The following DLGAP1 variants were observed in gnomAD, a reference collection of about 807,000 sequenced individuals.
DLGAP1 encodes DLG associated protein 1, also known as disks large-associated protein 1.
In DLGAP1, 11 loss-of-function variants were observed where a neutral mutation model predicts 90.8. The observed-to-expected ratio is 0.12, with a 90% CI of 0.08 to 0.20. The LOEUF (loss-of-function observed/expected upper bound fraction) is 0.20. Among genes scored for constraint, DLGAP1 ranks in the 10% least tolerant of loss-of-function variants. The pLI is 1.00. For missense variants in DLGAP1, 1,050 were observed against 1,333.8 expected (o/e 0.79, Z 3.31); for synonymous variants, 558 against 540.7 (o/e 1.03, Z -0.44).
chr18:3,874,856 G>T, intron 4 of DLGAP1: 1 of 1,078,172 alleles, frequency 9.3e-7, no homozygotes, highest in Non-Finnish European at 1.2e-6. Flanking sequence ...TTGTGAGTGA[G>T]CACTTATCAC....
intron 10 of DLGAP1, among the ~76,000 whole-genome samples, chr18:3,528,057 C>A (rs1289725466): frequency 1.3e-5 from 2 of 152,026 alleles, no homozygotes; most frequent in East Asian, 1.9e-4. Flanking sequence ...TTAGAATCTT[C>A]CGTTTTTTCC....
At chr18:3,741,082 T>C (rs1264656199) in intron 6 of DLGAP1, among the ~76,000 whole-genome samples, 842 of 41,428 alleles carry the variant, frequency 0.02, 19 homozygotes, top group Admixed American at 0.13. Context: ...ACCACCACCA[T>C]CACCATCACC....
rs143296313 is a variant in DLGAP1, at chr18:4,141,897, A to T, written c.-159+9283T>A. Among the ~76,000 whole-genome samples the T allele has an allele frequency of 3.4e-4, 51 of 152,038 alleles. 1 individual carries two copies. In the East Asian group the frequency reaches 9.1e-3, roughly 27 times the overall value. On this transcript the variant is annotated intron_variant, in intron 2 of 12. Transcript: ENST00000315677. Reference sequence around the variant, plus strand: ...CTCTGTTTTATCTTGAAATTTGTTGAGTTTCCTCAAAACAGCTATTTTGAA... The same window carrying T: ...CTCTGTTTTATCTTGAAATTTGTTGTGTTTCCTCAAAACAGCTATTTTGAA...
At chr18:3,639,192 C>T (rs34995851) in intron 7 of DLGAP1, among the ~76,000 whole-genome samples, 9,636 of 151,988 alleles carry the variant, frequency 0.063, 516 homozygotes, top group East Asian at 0.27. Context: ...CCCGTCTGTA[C>T]TAAAAATACA....
chr18:3,830,420 C>G (rs1330747045), intron 4 of DLGAP1, among the ~76,000 whole-genome samples: 2 of 152,136 alleles, frequency 1.3e-5, no homozygotes, highest in Middle Eastern at 3.2e-3. Context: ...AAAAAATTAG[C>G]CGGGTGTGGT....
At chr18:3,793,324 C>A (rs2065832836) in intron 5 of DLGAP1, among the ~76,000 whole-genome samples, 1 of 152,190 alleles carries the variant, frequency 6.6e-6, no homozygotes, top group African/African-American at 2.4e-5. Flanking sequence ...TTCTCACTCT[C>A]ACTGTCCCGG....
In DLGAP1 at chr18:3,499,104, AG is replaced by A. The variant is rs1488057049; in HGVS notation, c.*80del. 38 of 1,237,668 alleles carry A rather than the reference AG, an allele frequency of 3.1e-5. No individual in the cohort carries two copies. Among genetic ancestry groups the A allele is most frequent in the Admixed American group, 1.7e-4 (5 of 30,028 alleles). 76.7% of individuals were successfully genotyped at this position (1,237,668 alleles called of 1,614,324 possible). A position where few individuals can be genotyped will look rare whatever the true frequency, so the allele number is the denominator to read the frequency against. ...CGAGCTCGGGAGCGGACGGGCTCGG[AG>A]GGGGAGAGGCAGCCGGCAGAGGAGC... On this transcript the variant is annotated 3_prime_UTR_variant, in exon 13 of 13. Transcript: ENST00000315677. The surrounding 1 kb of genome is among the most constrained non-coding windows in gnomAD (Gnocchi z 6.4).
intron 5 of DLGAP1, among the ~76,000 whole-genome samples, chr18:3,789,948 T>C (rs1403458073): frequency 6.6e-6 from 1 of 152,234 alleles, no homozygotes; most frequent in Non-Finnish European, 1.5e-5. Flanking sequence ...GTAGCTCTGA[T>C]ACATAGATTA....
intron 3 of DLGAP1, among the ~76,000 whole-genome samples, chr18:3,988,565 G>A (rs1299044733): frequency 2.6e-5 from 4 of 152,090 alleles, no homozygotes; most frequent in African/African-American, 9.7e-5. Flanking sequence ...TTCACAATAG[G>A]GTTGGCGCTC....
At chr18:3,634,260 GA>G (rs1022000914) in intron 7 of DLGAP1, among the ~76,000 whole-genome samples, 9 of 151,528 alleles carry the variant, frequency 5.9e-5, no homozygotes, top group African/African-American at 9.7e-5. Flanking sequence ...ATATATTAAA[GA>G]AAAAAATCAA....
intron 6 of DLGAP1, among the ~76,000 whole-genome samples, chr18:3,739,947 G>A (rs2147622195): frequency 6.6e-6 from 1 of 152,270 alleles, no homozygotes; most frequent in African/African-American, 2.4e-5. Context: ...CTTCTCCCAT[G>A]TGTCTGTGCA....
intron 1 of DLGAP1, among the ~76,000 whole-genome samples, chr18:4,257,107 T>C (rs1224460773): frequency 2.0e-5 from 3 of 152,238 alleles, no homozygotes; most frequent in Non-Finnish European, 2.9e-5. Flanking sequence ...GAGATAGTTA[T>C]GGTTAGTTAT....
chr18:4,388,710 TTA>T (rs1194490766), intron 1 of DLGAP1, among the ~76,000 whole-genome samples: 1 of 152,208 alleles, frequency 6.6e-6, no homozygotes, highest in Non-Finnish European at 1.5e-5. Flanking sequence ...CCGCTGGCTA[TTA>T]CTTACAGCCA....
chr18:3,910,896 G>A (rs1171362044), intron 3 of DLGAP1, among the ~76,000 whole-genome samples: 1 of 152,216 alleles, frequency 6.6e-6, no homozygotes, highest in Non-Finnish European at 1.5e-5. Flanking sequence ...AAGGCTGGGT[G>A]GAGGTGGGAC....
intron 1 of DLGAP1, among the ~76,000 whole-genome samples, chr18:4,262,349 G>T (rs2079019852): frequency 6.6e-6 from 1 of 151,532 alleles, no homozygotes. Flanking sequence ...CACAGTGTGT[G>T]TGCATGCAGG....
At chr18:3,544,410 AAAG>A (rs2052891760) in intron 9 of DLGAP1, among the ~76,000 whole-genome samples, 1 of 152,282 alleles carries the variant, frequency 6.6e-6, no homozygotes, top group South Asian at 2.1e-4. Context: ...AAATAAATAA[AAAG>A]AAGCTGAAAG....
intron 3 of DLGAP1, among the ~76,000 whole-genome samples, chr18:4,003,714 G>A (rs2149080092): frequency 1.3e-5 from 2 of 152,264 alleles, no homozygotes; most frequent in African/African-American, 4.8e-5. Flanking sequence ...GAAGGGAGAT[G>A]TAAGAGATAG....
intron 1 of DLGAP1, among the ~76,000 whole-genome samples, chr18:4,396,312 C>G (rs879856699): frequency 4.6e-5 from 7 of 152,140 alleles, no homozygotes; most frequent in Non-Finnish European, 1.0e-4. Context: ...AAGAATATGA[C>G]CACCAGGAAA....
intron 1 of DLGAP1, among the ~76,000 whole-genome samples, chr18:4,265,372 T>G (rs1298563761): frequency 6.6e-6 from 1 of 151,948 alleles, no homozygotes; most frequent in East Asian, 1.9e-4. Flanking sequence ...GGTTTCACTG[T>G]GTTAGCCATG....
Sources: gnomAD v4.1 joint callset for allele counts (sites outside exome capture counted in the v4.1 genomes callset) on GRCh38, gnomAD v4.1.1 for gene constraint, Gnocchi (gnomAD v3.1) non-coding constraint, MANE v1.5 for transcripts, NCBI Gene and HGNC (gene_info 2026-07-23, HGNC 2026-07-21) for gene names.